SELENOS: variants seen among roughly 807,000 people sequenced by gnomAD.
SELENOS encodes the protein VCP interacting membrane selenoprotein.
In SELENOS, 37 loss-of-function variants were observed where a neutral mutation model predicts 30.2. The ratio of observed to expected loss-of-function variants is 1.23; its 90% confidence interval spans 0.94 to 1.61. The LOEUF (loss-of-function observed/expected upper bound fraction) is 1.61. Among genes scored for constraint, SELENOS ranks in the 40% most tolerant of loss-of-function variants. The pLI is 0.00. For synonymous variants in SELENOS, 119 were observed against 91.6 expected (o/e 1.30, Z -1.71); for missense variants, 289 against 231.8 (o/e 1.25, Z -1.60).
rs182868979 is a variant in SELENOS at position 101,272,719 on chromosome 15, C to T, written c.*52G>A. ...AAAAGCGTGCGTAAGGCAATTGAAT[C>T]GAGGGTTAAGGGTTCATCTTGCTAA... On this transcript the variant is annotated 3_prime_UTR_variant, in exon 6 of 6. Coordinates refer to ENST00000526049, the MANE Select transcript of SELENOS (RefSeq NM_018445.6). 1.3e-6 allele frequency: 2 copies of T among 1,541,902 alleles called. No individual in the cohort carries two copies. The highest frequency in any genetic ancestry group is 1.8e-6 in the Non-Finnish European group (2 of 1,135,302).
rs546101275 is a variant in SELENOS, at chr15:101,276,774, G to A, written c.77-99C>T. The A allele has an allele frequency of 1.5e-5, 22 of 1,432,016 alleles. No homozygotes were observed. The East Asian group carries it at 5.1e-4, about 33-fold the overall frequency. 88.7% of individuals were successfully genotyped at this position (1,432,016 alleles called of 1,614,324 possible). On this transcript the variant is annotated intron_variant, in intron 1 of 5. Transcript: ENST00000526049. ...ACAAAGTGTAACTCCTGCCCTCAAA[G>A]CCTTCATGGTCTAGGCTGAGGAAAA...
At position 101,272,790 on chromosome 15, in the gene SELENOS, G is replaced by A. The variant is rs775060344; in HGVS notation, c.551C>T (p.Ser184Leu). The A allele has an allele frequency of 6.2e-7, 1 of 1,609,848 alleles. No homozygotes were observed. The highest frequency in any genetic ancestry group is 1.7e-5 in the Admixed American group (1 of 59,526). ...AGATTCTTAGCCTCATCCGCCAGAT[G>A]ACGGGCCTCTGCGTCCAGGTCTCCA... ...CSWRPGRRGP[S>L]SGGUG Residue 184 changes from serine (S) to leucine (L), a missense_variant, in exon 6 of 6, where the codon TCA (serine) becomes TTA (leucine). Physicochemically the swap from Ser to Leu is moderately radical, Grantham distance 145 (BLOSUM62 -2). Transcript: ENST00000526049.
At chr15:101,272,185 T>C (rs2039274809), downstream of SELENOS, 2 of 152,234 alleles carry the variant, frequency 1.3e-5, no homozygotes, top group Admixed American at 1.3e-4. Flanking sequence ...AAATAAGTAA[T>C]AGTTAGAGGT....
intron 1 of SELENOS, chr15:101,277,107 C>A (rs1233751870): frequency 1.3e-6 from 1 of 768,590 alleles, no homozygotes. Flanking sequence ...GGGCTTGGTT[C>A]GCAAAAAAGA....
intron 3 of SELENOS, 51 bp from the exon 4 acceptor site, chr15:101,274,732 TCAAAGA>T: frequency 6.5e-7 from 1 of 1,537,520 alleles, no homozygotes; most frequent in African/African-American, 1.4e-5. Flanking sequence ...GCCATTTCTC[TCAAAGA>T]CAAAGCTAAC....
rs970518133 is a variant in SELENOS at position 101,272,457 on chromosome 15, C to T, written c.*314G>A. 57 of 264,962 alleles carry T rather than the reference C, an allele frequency of 2.2e-4. No homozygotes were observed. The highest frequency in any genetic ancestry group is 1.3e-3 in the African/African-American group (57 of 45,410). The allele number at this position is 264,962 out of a possible 1,614,324, so 16.4% of individuals were successfully genotyped here. A position where few individuals can be genotyped will look rare whatever the true frequency, so the allele number is the denominator to read the frequency against. On this transcript the variant is annotated 3_prime_UTR_variant, in exon 6 of 6. Transcript: ENST00000526049. Reference sequence around the variant, plus strand: ...TCCTAGCAGCAAGGATTTCTAACCTCAAAAGAACATTACTAGGCCTCTTTT... The same window carrying T: ...TCCTAGCAGCAAGGATTTCTAACCTTAAAAGAACATTACTAGGCCTCTTTT...
Position 101,272,476 on chromosome 15 carries a change from C to T in SELENOS, c.*295G>A, listed in dbSNP as rs1031174346. 2 of 316,036 alleles carry T rather than the reference C, an allele frequency of 6.3e-6. No homozygotes were observed. Among genetic ancestry groups the T allele is most frequent in the Non-Finnish European group, 1.2e-5 (2 of 167,500 alleles). 19.6% of individuals were successfully genotyped at this position (316,036 alleles called of 1,614,324 possible). ...TAACCTCAAAAGAACATTACTAGGC[C>T]TCTTTTATCAAGATTGCTAATCATC... On this transcript the variant is annotated 3_prime_UTR_variant, in exon 6 of 6. Transcript: ENST00000526049.
In SELENOS at chr15:101,275,306, C is replaced by A. The variant is rs2039312674; in HGVS notation, c.267G>T (p.Met89Ile). The A allele has an allele frequency of 4.4e-6, 7 of 1,582,018 alleles. No individual in the cohort carries two copies. The highest frequency in any genetic ancestry group is 6.0e-6 in the Non-Finnish European group (7 of 1,163,356). The change falls in exon 3 of 6, where the codon ATG becomes ATT. Residue 89 changes from methionine (M) to isoleucine (I), a missense_variant. Met to Ile is a conservative substitution (Grantham distance 10). Coordinates refer to ENST00000526049, the MANE Select transcript of SELENOS (RefSeq NM_018445.6). ...CAACTTGCGCATTTAGTTCTTCTTG[C>A]ATTTTCAGTCGAGCAGCTGCTAAAG... ...QEALAAARLK[M>I]QEELNAQVEK... is the part of the protein sequence containing the mutation.
Position 101,275,352 on chromosome 15 carries a change from A to T in SELENOS, c.221T>A (p.Val74Asp). Residue 74 changes from valine (V) to aspartate (D), a missense_variant, in exon 3 of 6, where the codon GTT (valine) becomes GAT (aspartate). Val to Asp is a radical substitution (Grantham distance 152). Coordinates refer to ENST00000526049, the MANE Select transcript of SELENOS (RefSeq NM_018445.6). Reference sequence around the variant, plus strand: ...TAAAGCTTCTTGTCGTTTAACAACAACATCAGGTTCTAAAATGTCAGAAAA... The same window carrying T: ...TAAAGCTTCTTGTCGTTTAACAACATCATCAGGTTCTAAAATGTCAGAAAA... ...DRAAAAVEPD[V>D]VVKRQEALAA... 1 of 1,570,254 alleles carries T rather than the reference A, an allele frequency of 6.4e-7. No homozygotes were observed. The highest frequency in any genetic ancestry group is 1.2e-5 in the South Asian group (1 of 84,624).
intron 2 of SELENOS, 121 bp from the exon 3 acceptor site, chr15:101,275,482 T>C: frequency 1.2e-6 from 1 of 848,658 alleles, no homozygotes; most frequent in South Asian, 2.3e-5. Flanking sequence ...AACAACATAT[T>C]TTTACATAAG....
In SELENOS at chr15:101,275,866, C is replaced by A. The variant is rs570167651; in HGVS notation, c.212-505G>T. On this transcript the variant is annotated intron_variant, in intron 2 of 5. Transcript: ENST00000526049. Reference sequence around the variant, plus strand: ...GAAATGAACTCATTTCTATTCATAACGTCTACTCATAGAGTCTCGCTCTTT... The same window carrying A: ...GAAATGAACTCATTTCTATTCATAAAGTCTACTCATAGAGTCTCGCTCTTT... Among the ~76,000 whole-genome samples the A allele has an allele frequency of 2.0e-3, 294 of 150,756 alleles. 2 individuals carry two copies. The highest frequency in any genetic ancestry group is 3.1e-3 in the Non-Finnish European group (210 of 67,822).
intron 1 of SELENOS, chr15:101,276,895 G>A: frequency 1.7e-6 from 1 of 574,360 alleles, no homozygotes; most frequent in East Asian, 3.1e-5. Context: ...GGGGAGTCGG[G>A]GGCAGTTAGA....
At position 101,272,808 on chromosome 15, in the gene SELENOS, G is replaced by C. The variant is rs999280402; in HGVS notation, c.533C>G (p.Pro178Arg). 24 of 1,610,620 alleles carry C rather than the reference G, an allele frequency of 1.5e-5. No homozygotes were observed. Among genetic ancestry groups the C allele is most frequent in the Non-Finnish European group, 1.9e-5 (22 of 1,178,606 alleles). Residue 178 changes from proline to arginine, a missense_variant, in exon 6 of 6, where the codon CCT becomes CGT. Transcript: ENST00000526049. ...GCCAGATGACGGGCCTCTGCGTCCA[G>C]GTCTCCAGGAGCAAGCTCCGCCTCC... ...GEGGGACSWR[P>R]GRRGPSSGGU...
rs567219241 is a variant in SELENOS at position 101,273,877 on chromosome 15, T to C, written c.484+543A>G. On this transcript the variant is annotated intron_variant, in intron 5 of 5. Transcript: ENST00000526049. ...CTACAGTGTTCTAGTGTGTTTGTTC[T>C]TTCCTTCCTCAGCAGTAACTTGCAA... Among the ~76,000 whole-genome samples the C allele has an allele frequency of 4.6e-5, 7 of 152,364 alleles. No individual in the cohort carries two copies. In the South Asian group the frequency reaches 1.4e-3, roughly 32 times the overall value.
Position 101,276,573 on chromosome 15 carries a change from T to G in SELENOS, c.179A>C (p.Gln60Pro). ...AGCCGCAGCTCGGTCCAGCTGCCTCTGCCTCAAGGCTCTTAGCCGGGCGGA... is the reference window on the plus strand; with the variant it reads ...AGCCGCAGCTCGGTCCAGCTGCCTCGGCCTCAAGGCTCTTAGCCGGGCGGA... ...KLSARLRALR[Q>P]RQLDRAAAAV... The change falls in exon 2 of 6, where the codon CAG becomes CCG. Residue 60 changes from glutamine (Q) to proline (P), a missense_variant. Coordinates refer to ENST00000526049, the MANE Select transcript of SELENOS (RefSeq NM_018445.6). 6.2e-7 allele frequency: 1 copy of G among 1,613,174 alleles called. No individual in the cohort carries two copies. The highest frequency in any genetic ancestry group is 2.2e-5 in the East Asian group (1 of 44,880).
rs528288834 is a variant in SELENOS at position 101,276,891 on chromosome 15, T to A, written c.77-216A>T. 4.6e-5 allele frequency: 26 copies of A among 571,084 alleles called. No homozygotes were observed. In the African/African-American group the frequency reaches 4.9e-4, roughly 11 times the overall value. The allele number at this position is 571,084 out of a possible 1,614,324, so 35.4% of individuals were successfully genotyped here. A position where few individuals can be genotyped will look rare whatever the true frequency, so the allele number is the denominator to read the frequency against. On this transcript the variant is annotated intron_variant, in intron 1 of 5. Coordinates refer to ENST00000526049, the MANE Select transcript of SELENOS (RefSeq NM_018445.6). ...TGAGACTTCCCAACCATCTGGGGAG[T>A]CGGGGGCAGTTAGAGTGTGGAGGGC...
chr15:101,276,259 T>C lies in SELENOS; in HGVS notation c.211+282A>G, dbSNP rs1425622409. Among the ~76,000 whole-genome samples the C allele has an allele frequency of 3.7e-3, 551 of 149,516 alleles. 4 individuals carry two copies. The highest frequency in any genetic ancestry group is 0.012 in the African/African-American group (503 of 40,594). On this transcript the variant is annotated intron_variant, in intron 2 of 5. Transcript: ENST00000526049. ...ACTTCCTACTTTTTTTTTTTTTTTT[T>C]TTTTAAAGACAAGGTCTCAATCAAT...
intron 3 of SELENOS, 66 bp from the exon 4 acceptor site, chr15:101,274,747 A>C: frequency 2.8e-6 from 4 of 1,441,820 alleles, no homozygotes; most frequent in Non-Finnish European, 3.8e-6. Flanking sequence ...GACAAAGCTA[A>C]CTCTGATAAT....
chr15:101,277,409 G>C lies in SELENOS; in HGVS notation c.9C>G (p.Arg3=), dbSNP rs1018993815. The C allele has an allele frequency of 5.4e-6, 8 of 1,488,316 alleles. No homozygotes were observed. The highest frequency in any genetic ancestry group is 1.5e-5 in the African/African-American group (1 of 68,520). The allele number at this position is 1,488,316 out of a possible 1,614,324, so 92.2% of individuals were successfully genotyped here. Residue 3 remains arginine (R), a synonymous_variant, in exon 1 of 6, where the codon CGC becomes CGG. Transcript: ENST00000526049. ...GCCGCGCGGACAGAGACTCCTCTTG[G>C]CGTTCCATGACCGCCGCCGCCGCCG... ME[R]QEESLSARPA...
Sources: allele counts gnomAD v4.1 joint callset (sites outside exome capture counted in the v4.1 genomes callset), GRCh38; gene constraint gnomAD v4.1.1; transcripts MANE v1.5; gene names NCBI Gene and HGNC (gene_info 2026-07-23, HGNC 2026-07-21).